MECOM: variants seen among roughly 807,000 people sequenced by gnomAD.
MECOM encodes MDS1 and EVI1 complex locus.
MECOM carries 13 observed loss-of-function variants against 116.3 expected under a neutral mutation model. The ratio of observed to expected loss-of-function variants is 0.11; its 90% CI spans 0.07 to 0.18. The LOEUF (loss-of-function observed/expected upper bound fraction) is 0.18, where lower values mean the gene tolerates loss of function less well. MECOM is among the 10% of genes least tolerant of loss of function. The probability of loss-of-function intolerance (pLI) is 1.00; values close to 1 mark genes in which losing one functional copy is unlikely to be tolerated. For missense variants in MECOM, 1,299 were observed against 1,509.0 expected, an observed-to-expected ratio of 0.86 and a Z score of 2.31; for synonymous variants, 528 against 535.2, an observed-to-expected ratio of 0.99 and a Z score of 0.19.
In MECOM at chr3:169,498,512, G is replaced by T. The variant is rs1278064423; in HGVS notation, c.38-116988C>A. On this transcript the variant is annotated intron_variant, in intron 1 of 16. Transcript: ENST00000651503. Reference sequence around the variant, plus strand: ...GGGTTTCAGTGTTTATACAGAAAAGGGCCTGAGCCTGCCCCACACATGACC... The same window carrying T: ...GGGTTTCAGTGTTTATACAGAAAAGTGCCTGAGCCTGCCCCACACATGACC... Among the ~76,000 whole-genome samples, 3 of 152,134 alleles carry T rather than the reference G, an allele frequency of 2.0e-5. No homozygotes were observed. The South Asian group carries it at 6.2e-4, about 32-fold the overall frequency.
intron 2 of MECOM, among the ~76,000 whole-genome samples, chr3:169,216,102 T>C (rs2149485952): frequency 6.6e-6 from 1 of 152,350 alleles, no homozygotes; most frequent in Non-Finnish European, 1.5e-5. Context: ...AACCTTTATT[T>C]TTCTGGACCT....
intron 1 of MECOM, among the ~76,000 whole-genome samples, chr3:169,485,976 A>ATATATAT: frequency 1.2e-5 from 1 of 82,464 alleles, no homozygotes; most frequent in South Asian, 3.1e-4. Context: ...ATATATACAT[A>ATATATAT]TATATATAGT....
At chr3:169,598,195 TC>T (rs1464007352) in intron 1 of MECOM, among the ~76,000 whole-genome samples, 1 of 152,206 alleles carries the variant, frequency 6.6e-6, no homozygotes, top group Non-Finnish European at 1.5e-5. Context: ...TGCCCTGCTA[TC>T]AATCTGAAAA....
intron 3 of MECOM, among the ~76,000 whole-genome samples, chr3:169,135,306 T>C (rs1034277795): frequency 1.3e-5 from 2 of 152,068 alleles, no homozygotes; most frequent in Admixed American, 6.6e-5. Flanking sequence ...ATCCTGGATC[T>C]GAAATTTTGT....
intron 5 of MECOM, 139 bp downstream of exon 5, chr3:169,127,705 A>G: frequency 1.1e-5 from 7 of 662,306 alleles, no homozygotes; most frequent in Non-Finnish European, 1.3e-5. Flanking sequence ...CCAGGCAAAT[A>G]TGATTTCTGA....
intron 1 of MECOM, among the ~76,000 whole-genome samples, chr3:169,441,186 A>C (rs1171601001): frequency 6.6e-6 from 1 of 152,158 alleles, no homozygotes; most frequent in Admixed American, 6.5e-5. Context: ...GACAGAGTCC[A>C]TGGCCCTCCA....
intron 1 of MECOM, among the ~76,000 whole-genome samples, chr3:169,555,429 A>C (rs147306539): frequency 1.9e-4 from 29 of 152,326 alleles, no homozygotes; most frequent in African/African-American, 6.7e-4. Flanking sequence ...ATGGAGAATA[A>C]AGATGAAAAC....
Position 169,284,571 on chromosome 3 carries a change from GCA to G in MECOM, c.375+96614_375+96615del, listed in dbSNP as rs113527440. On this transcript the variant is annotated intron_variant, in intron 2 of 16. Coordinates refer to ENST00000651503, the MANE Select transcript of MECOM (RefSeq NM_004991.4). ...CATCCTTTTTTTAAAGTATATGAGC[GCA>G]CACACACACACACACACACAAATGT... Among the ~76,000 whole-genome samples, 957 of 146,602 alleles carry G rather than the reference GCA, an allele frequency of 6.5e-3. 3 individuals carry two copies. Among genetic ancestry groups the G allele is most frequent in the African/African-American group, 0.02 (816 of 40,268 alleles).
intron 16 of MECOM, among the ~76,000 whole-genome samples, chr3:169,085,599 T>C (rs143380029): frequency 8.5e-4 from 129 of 152,244 alleles, no homozygotes; most frequent in African/African-American, 3.0e-3. Flanking sequence ...TCCATTGTCT[T>C]TTCTCCAATT....
chr3:169,247,584 G>A (rs572428373), intron 2 of MECOM, among the ~76,000 whole-genome samples: 6 of 152,344 alleles, frequency 3.9e-5, no homozygotes, highest in East Asian at 3.9e-4. Context: ...GATTACAGGC[G>A]TGAGCCACTG....
intron 4 of MECOM, among the ~76,000 whole-genome samples, chr3:169,131,142 C>T (rs1419531318): frequency 6.6e-6 from 1 of 152,178 alleles, no homozygotes; most frequent in African/African-American, 2.4e-5. Flanking sequence ...AGGATTCTCA[C>T]CATAAACTAA....
chr3:169,503,923 G>A (rs898544647), intron 1 of MECOM, among the ~76,000 whole-genome samples: 3 of 152,060 alleles, frequency 2.0e-5, no homozygotes, highest in South Asian at 2.1e-4. Context: ...AGTGAATATC[G>A]TTCTTGTAAT....
intron 1 of MECOM, among the ~76,000 whole-genome samples, chr3:169,404,434 A>T (rs1453225722): frequency 6.6e-6 from 1 of 152,232 alleles, no homozygotes; most frequent in African/African-American, 2.4e-5. Flanking sequence ...CTTACCAACA[A>T]ACAAAAAACA....
intron 2 of MECOM, among the ~76,000 whole-genome samples, chr3:169,261,711 AAGAAGG>A (rs370712756): frequency 3.8e-3 from 578 of 150,646 alleles, no homozygotes; most frequent in South Asian, 0.022. Flanking sequence ...CAAGAAGAAG[AAGAAGG>A]AGAAGGAGAA....
chr3:169,625,187 T>C (rs1368472667), intron 1 of MECOM, among the ~76,000 whole-genome samples: 3 of 152,122 alleles, frequency 2.0e-5, no homozygotes, highest in Admixed American at 6.5e-5. Flanking sequence ...AAATTAATAG[T>C]GAGACTTATT....
intron 1 of MECOM, among the ~76,000 whole-genome samples, chr3:169,429,272 T>C (rs974350277): frequency 3.9e-5 from 6 of 152,314 alleles, no homozygotes; most frequent in Middle Eastern, 3.4e-3. Context: ...ATTAAACCAC[T>C]GTGTATAGGT....
chr3:169,110,813 T>C, intron 9 of MECOM, among the ~76,000 whole-genome samples: 1 of 152,168 alleles, frequency 6.6e-6, no homozygotes, highest in Non-Finnish European at 1.5e-5. Flanking sequence ...AGGGAATCCC[T>C]TACACCAAGA....
chr3:169,160,809 G>T (rs1577215479), intron 2 of MECOM, among the ~76,000 whole-genome samples: 1 of 151,934 alleles, frequency 6.6e-6, no homozygotes, highest in Admixed American at 6.6e-5. Flanking sequence ...ACATACACCT[G>T]CTATGTACCC....
At chr3:169,160,659 A>G (rs2149347287) in intron 2 of MECOM, among the ~76,000 whole-genome samples, 1 of 151,142 alleles carries the variant, frequency 6.6e-6, no homozygotes, top group East Asian at 1.9e-4. Context: ...TACATTTTGA[A>G]ATAACTAAAA....
Sources: gnomAD v4.1 joint callset for allele counts (sites outside exome capture counted in the v4.1 genomes callset) on GRCh38, gnomAD v4.1.1 for gene constraint, MANE v1.5 for transcripts, NCBI Gene and HGNC (gene_info 2026-07-23, HGNC 2026-07-21) for gene names.